The following FSHR variants were observed in gnomAD, a reference collection of about 807,000 sequenced individuals.
The protein encoded by FSHR is follicle-stimulating hormone receptor.
Under a neutral mutation model 52.1 loss-of-function variants are expected in FSHR, and 46 were observed. The observed-to-expected ratio is 0.88, with a 90% CI of 0.70 to 1.13. The LOEUF (loss-of-function observed/expected upper bound fraction) is 1.13. FSHR is among the 50% of genes most tolerant of loss of function. The pLI is 0.00. For missense variants in FSHR, 964 were observed against 834.6 expected (o/e 1.16, Z -1.91); for synonymous variants, 399 against 309.6 (o/e 1.29, Z -3.03).
At chr2:49,005,366 G>T (rs12713030) in intron 4 of FSHR, among the ~76,000 whole-genome samples, 116,791 of 152,060 alleles carry the variant, frequency 0.77, 44,932 homozygotes, top group Admixed American at 0.82. Flanking sequence ...GGCAAAGTTG[G>T]CTCTGCCAGG....
chr2:49,014,860 G>A (rs1339388679), intron 4 of FSHR: 2 of 466,582 alleles, frequency 4.3e-6, no homozygotes, highest in Admixed American at 4.9e-5. Context: ...GCCTCTTCAT[G>A]TCCTAGAGAG....
chr2:49,035,777 C>T (rs951233977), intron 2 of FSHR, among the ~76,000 whole-genome samples: 5 of 152,188 alleles, frequency 3.3e-5, no homozygotes, highest in Non-Finnish European at 5.9e-5. Context: ...TTACAGGCAA[C>T]AGCTTTGCAT....
At chr2:48,986,023 G>GA (rs1362751787) in intron 6 of FSHR, among the ~76,000 whole-genome samples, 1 of 152,150 alleles carries the variant, frequency 6.6e-6, no homozygotes, top group Non-Finnish European at 1.5e-5. Flanking sequence ...GCATGTACAC[G>GA]TTTTTTACAT....
chr2:49,067,882 G>A (rs539546609), intron 2 of FSHR, among the ~76,000 whole-genome samples: 2 of 151,872 alleles, frequency 1.3e-5, no homozygotes, highest in Non-Finnish European at 2.9e-5. Context: ...ATCATAAATG[G>A]TAGAAAGTAT....
chr2:49,021,228 T>A (rs1667684275), intron 2 of FSHR, among the ~76,000 whole-genome samples: 1 of 152,188 alleles, frequency 6.6e-6, no homozygotes, highest in Admixed American at 6.5e-5. Flanking sequence ...AAAAGATTCC[T>A]CAGGTCTCAG....
chr2:49,031,077 C>T (rs949134749), intron 2 of FSHR, among the ~76,000 whole-genome samples: 1 of 152,162 alleles, frequency 6.6e-6, no homozygotes, highest in South Asian at 2.1e-4. Context: ...CAACCTGGTT[C>T]AGTATATTTT....
chr2:49,094,553 T>C (rs565255443), intron 1 of FSHR, among the ~76,000 whole-genome samples: 8 of 152,302 alleles, frequency 5.3e-5, no homozygotes, highest in Admixed American at 4.6e-4. Flanking sequence ...TTTTGAAGTC[T>C]ATTTTCACAG....
intron 3 of FSHR, among the ~76,000 whole-genome samples, chr2:49,019,106 A>G (rs1347873079): frequency 6.6e-6 from 1 of 152,192 alleles, no homozygotes; most frequent in Non-Finnish European, 1.5e-5. Context: ...TGAGATGGTA[A>G]TCACCAATCT....
rs558077166 is a variant in FSHR, at chr2:49,087,782, A to T, written c.153-19492T>A. Among the ~76,000 whole-genome samples the T allele has an allele frequency of 2.0e-5, 3 of 152,306 alleles. No individual in the cohort carries two copies. The South Asian group carries it at 6.2e-4, about 32-fold the overall frequency. Reference sequence around the variant, plus strand: ...TAATATATCCTGTTATGCATTTTCAAATTATTTATTGAACATCTACGTGAC... The same window carrying T: ...TAATATATCCTGTTATGCATTTTCATATTATTTATTGAACATCTACGTGAC... On this transcript the variant is annotated intron_variant, in intron 1 of 9. Transcript: ENST00000406846.
intron 1 of FSHR, among the ~76,000 whole-genome samples, chr2:49,086,031 T>C (rs1270020631): frequency 2.0e-5 from 3 of 151,554 alleles, no homozygotes; most frequent in Non-Finnish European, 4.4e-5. Context: ...AGTTAATGGG[T>C]GCAGCACACC....
At chr2:48,989,944 G>A (rs559717312) in intron 5 of FSHR, among the ~76,000 whole-genome samples, 1 of 152,060 alleles carries the variant, frequency 6.6e-6, no homozygotes, top group Non-Finnish European at 1.5e-5. Flanking sequence ...AATTCTGAAA[G>A]ATTTTCATAT....
chr2:49,077,866 C>T (rs1022944902), intron 1 of FSHR, among the ~76,000 whole-genome samples: 3 of 152,218 alleles, frequency 2.0e-5, no homozygotes, highest in Non-Finnish European at 4.4e-5. Context: ...AGTTCCTCAT[C>T]TCCATCTGAG....
intron 1 of FSHR, among the ~76,000 whole-genome samples, chr2:49,103,998 G>T (rs1296720239): frequency 2.0e-5 from 3 of 150,628 alleles, no homozygotes; most frequent in African/African-American, 4.9e-5. Flanking sequence ...CCTCTAAAAA[G>T]ACATTGAAAG....
At chr2:49,133,494 C>T (rs572445523) in intron 1 of FSHR, among the ~76,000 whole-genome samples, 6 of 152,184 alleles carry the variant, frequency 3.9e-5, no homozygotes, top group South Asian at 2.1e-4. Context: ...CCATGCTGCC[C>T]GAGGTAATTT....
At chr2:49,015,875 G>A (rs1410906017) in intron 4 of FSHR, among the ~76,000 whole-genome samples, 2 of 152,174 alleles carry the variant, frequency 1.3e-5, no homozygotes, top group African/African-American at 4.8e-5. Flanking sequence ...AGTCCTCTGA[G>A]TGCGGGGGCC....
intron 3 of FSHR, 113 bp downstream of exon 3, chr2:49,019,973 A>G: frequency 1.1e-6 from 1 of 915,920 alleles, no homozygotes; most frequent in South Asian, 1.3e-5. Context: ...TCTTATAATG[A>G]CAATCTAGGG....
intron 2 of FSHR, among the ~76,000 whole-genome samples, chr2:49,027,498 G>C (rs1348452503): frequency 6.6e-6 from 1 of 152,124 alleles, no homozygotes; most frequent in African/African-American, 2.4e-5. Context: ...TTGTGCTTGG[G>C]AGCCATGCAT....
chr2:49,005,858 T>C (rs1667057298), intron 4 of FSHR, among the ~76,000 whole-genome samples: 1 of 152,084 alleles, frequency 6.6e-6, no homozygotes, highest in Non-Finnish European at 1.5e-5. Flanking sequence ...TGGGTGTGTT[T>C]GAAAGGGTGT....
At chr2:49,102,644 T>C (rs960779591) in intron 1 of FSHR, among the ~76,000 whole-genome samples, 6 of 152,168 alleles carry the variant, frequency 3.9e-5, no homozygotes, top group African/African-American at 1.4e-4. Context: ...TTAATAGAGT[T>C]AACATAGTCC....
Sources: gnomAD v4.1 joint callset for allele counts (sites outside exome capture counted in the v4.1 genomes callset) on GRCh38, gnomAD v4.1.1 for gene constraint, MANE v1.5 for transcripts, NCBI Gene and HGNC (gene_info 2026-07-23, HGNC 2026-07-21) for gene names.